Variants in STK3 observed in about 807,000 individuals in gnomAD.
STK3 encodes serine/threonine-protein kinase 3.
In STK3, 41 loss-of-function variants were observed where a neutral mutation model predicts 58.0. That is an observed-to-expected ratio of 0.71 (90% CI 0.55 to 0.92). The LOEUF (loss-of-function observed/expected upper bound fraction) is 0.92. Ranked by LOEUF, STK3 falls within the 40% of genes least tolerant of loss-of-function variation. The probability of loss-of-function intolerance (pLI) is 0.00; values close to 1 mark genes in which losing one functional copy is unlikely to be tolerated. For missense variants in STK3, 479 were observed against 602.7 expected, an observed-to-expected ratio of 0.79 and a Z score of 2.15; for synonymous variants, 170 against 191.0, an observed-to-expected ratio of 0.89 and a Z score of 0.91.
intron 10 of STK3, among the ~76,000 whole-genome samples, chr8:98,484,961 C>T (rs532147871): frequency 3.3e-5 from 5 of 152,128 alleles, no homozygotes; most frequent in East Asian, 1.9e-4. Flanking sequence ...TTTTATTGGC[C>T]GGGTACGGTG....
chr8:98,461,193 G>GA (rs1285457281), intron 10 of STK3, among the ~76,000 whole-genome samples: 1 of 151,802 alleles, frequency 6.6e-6, no homozygotes, highest in Non-Finnish European at 1.5e-5. Flanking sequence ...ATTTATTTAG[G>GA]ACTATATCTT....
Position 98,903,558 on chromosome 8 carries a change from T to TTC in STK3, c.-78-19725_-78-19724insGA, listed in dbSNP as rs1564093765. ...TTCTTCTTCTTCTTCTTCTTCTTCC[T>TTC]TTTTTTTTTTTTAAGTGGGGCCTTG... On this transcript the variant is annotated intron_variant, in intron 1 of 1. Transcript: ENST00000519420. Among the ~76,000 whole-genome samples the TTC allele has an allele frequency of 8.7e-5, 6 of 68,826 alleles. 1 individual carries two copies. The highest frequency in any genetic ancestry group is 1.5e-4 in the Admixed American group (1 of 6,892). 45.2% of individuals were successfully genotyped at this position (68,826 alleles called of 152,430 possible).
At chr8:98,716,580 T>C (rs1393344975) in intron 4 of STK3, among the ~76,000 whole-genome samples, 2 of 152,258 alleles carry the variant, frequency 1.3e-5, no homozygotes, top group African/African-American at 2.4e-5. Context: ...GAAAATTTAA[T>C]GTTTTTAAGA....
intron 10 of STK3, among the ~76,000 whole-genome samples, chr8:98,524,181 C>A (rs1340380688): frequency 6.6e-6 from 1 of 152,224 alleles, no homozygotes; most frequent in Non-Finnish European, 1.5e-5. Context: ...GAAAAGTTTA[C>A]TTCTCAGCTC....
At chr8:98,714,633 G>A (rs1365498525) in intron 4 of STK3, among the ~76,000 whole-genome samples, 2 of 152,064 alleles carry the variant, frequency 1.3e-5, no homozygotes, top group East Asian at 3.9e-4. Flanking sequence ...AAATAAAAGA[G>A]GATACAAACA....
At chr8:98,786,885 G>T (rs1832493374) in intron 1 of STK3, among the ~76,000 whole-genome samples, 1 of 151,994 alleles carries the variant, frequency 6.6e-6, no homozygotes, top group Non-Finnish European at 1.5e-5. Flanking sequence ...GGCCGTCCAA[G>T]GTCAATGTGG....
At chr8:98,379,512 A>AG in intron 1 of STK3, among the ~76,000 whole-genome samples, 1 of 152,176 alleles carries the variant, frequency 6.6e-6, no homozygotes, top group Non-Finnish European at 1.5e-5. Flanking sequence ...CACTGTGCTG[A>AG]CCATCTTGGT....
Position 98,428,339 on chromosome 8 carries a change from C to A in STK3, n.483+5788G>T, listed in dbSNP as rs1391201111. 1.9e-6 allele frequency: 3 copies of A among 1,614,152 alleles called. No homozygotes were observed. Among genetic ancestry groups the A allele is most frequent in the Non-Finnish European group, 2.5e-6 (3 of 1,180,026 alleles). ...AGTTCTTCATTGACTCCTGCTGCAG[C>A]TACAGCTACCATGGCCGCAAAGTAG... On this transcript the variant is annotated intron_variant and non_coding_transcript_variant, in intron 3 of 3. Coordinates refer to the STK3 transcript ENST00000517832. This position sits in a 1 kb window ranked among gnomAD's most constrained non-coding sequence, Gnocchi z 6.7.
chr8:98,579,586 G>A, intron 8 of STK3, 78 bp downstream of exon 8: 1 of 1,487,872 alleles, frequency 6.7e-7, no homozygotes, highest in Admixed American at 2.1e-5. Context: ...AACAGTAAGT[G>A]CTTTTAATAT....
intron 6 of STK3, chr8:98,597,714 A>AC (rs2130001062): frequency 1.0e-6 from 1 of 985,262 alleles, no homozygotes; most frequent in Non-Finnish European, 1.2e-6. Flanking sequence ...TCAATTATCT[A>AC]CTTTATGTGA....
chr8:98,436,024 T>C (rs1250160860), intron 2 of STK3, among the ~76,000 whole-genome samples: 1 of 152,194 alleles, frequency 6.6e-6, no homozygotes, highest in Non-Finnish European at 1.5e-5. Context: ...ACCACCCTTT[T>C]GGAACTGCTG....
chr8:98,479,501 G>C lies in STK3; in HGVS notation c.1318-23501C>G, dbSNP rs1447283421. ...CACTCCGTCTCGGGGGGGGGGGGGG[G>C]GCGGGAAAGGTGAAGAAGCATATCA... On this transcript the variant is annotated intron_variant, in intron 10 of 10. Transcript: ENST00000419617. Among the ~76,000 whole-genome samples, 24 of 54,350 alleles carry C rather than the reference G, an allele frequency of 4.4e-4. 2 individuals are homozygous for C. The highest frequency in any genetic ancestry group is 1.7e-3 in the African/African-American group (19 of 11,464). 35.7% of individuals were successfully genotyped at this position (54,350 alleles called of 152,430 possible).
At chr8:98,920,459 G>A (rs1315208327) in intron 1 of STK3, among the ~76,000 whole-genome samples, 2 of 152,164 alleles carry the variant, frequency 1.3e-5, no homozygotes, top group Non-Finnish European at 1.5e-5. Context: ...TGGCCCGTCC[G>A]GCTGGGTCTG....
chr8:98,723,907 G>A (rs1827618398), intron 4 of STK3, among the ~76,000 whole-genome samples: 1 of 152,040 alleles, frequency 6.6e-6, no homozygotes, highest in Non-Finnish European at 1.5e-5. Flanking sequence ...CTCGAGTCAG[G>A]ATTAATCTAT....
At chr8:98,804,970 T>G (rs1833810270) in intron 1 of STK3, among the ~76,000 whole-genome samples, 1 of 152,214 alleles carries the variant, frequency 6.6e-6, no homozygotes, top group Non-Finnish European at 1.5e-5. Context: ...AGGGACTTCT[T>G]CCTAATCTTC....
chr8:98,356,508 G>A, the STK3 span, among the ~76,000 whole-genome samples: 1 of 152,160 alleles, frequency 6.6e-6, no homozygotes, highest in Non-Finnish European at 1.5e-5. Flanking sequence ...CCACCTTCCT[G>A]CAAAACTCAT....
At chr8:98,650,525 A>C (rs1394653392) in intron 6 of STK3, among the ~76,000 whole-genome samples, 1 of 152,260 alleles carries the variant, frequency 6.6e-6, no homozygotes, top group Non-Finnish European at 1.5e-5. Flanking sequence ...CGCGAGCCAA[A>C]GCAGGGAGAG....
At chr8:98,774,948 A>C (rs1587584758) in intron 1 of STK3, 129 bp from the exon 2 acceptor site, 2 of 550,406 alleles carry the variant, frequency 3.6e-6, no homozygotes, top group African/African-American at 3.9e-5. Context: ...ACAATATAAA[A>C]ACATACATAG....
At chr8:98,868,212 A>G (rs982527646) in intron 3 of STK3, among the ~76,000 whole-genome samples, 1 of 152,254 alleles carries the variant, frequency 6.6e-6, no homozygotes, top group South Asian at 2.1e-4. Flanking sequence ...CTGCCAAACA[A>G]AATACCTTTT....
Sources: gnomAD v4.1 joint callset for allele counts (sites outside exome capture counted in the v4.1 genomes callset) on GRCh38, gnomAD v4.1.1 for gene constraint, Gnocchi (gnomAD v3.1) non-coding constraint, MANE v1.5 for transcripts, NCBI Gene and HGNC (gene_info 2026-07-23, HGNC 2026-07-21) for gene names.